GSG1L2: variants seen among roughly 807,000 people sequenced by gnomAD.
GSG1L2 encodes germ cell-specific gene 1-like protein 2.
In GSG1L2, 15 loss-of-function variants were observed where a neutral mutation model predicts 9.0. The observed-to-expected ratio is 1.67, with a 90% CI of 1.12 to 2.57. The LOEUF is 2.57. Among genes scored for constraint, GSG1L2 ranks in the 30% most tolerant of loss-of-function variants. The pLI is 0.00. For synonymous variants in GSG1L2, 127 were observed against 57.9 expected, an observed-to-expected ratio of 2.19 and a Z score of -5.41; for missense variants, 286 against 150.3, an observed-to-expected ratio of 1.90 and a Z score of -4.72.
At chr17:9,814,047 G>GC (rs1328702452) in intron 1 of GSG1L2, among the ~76,000 whole-genome samples, 1 of 151,652 alleles carries the variant, frequency 6.6e-6, no homozygotes, top group Non-Finnish European at 1.5e-5. Context: ...CGATTCTCCT[G>GC]CCTCAGCCTC....
At chr17:9,807,268 A>C (rs11870226) in intron 4 of GSG1L2, among the ~76,000 whole-genome samples, 21,786 of 152,208 alleles carry the variant, frequency 0.14, 1,658 homozygotes, top group South Asian at 0.25. Context: ...GAGTTTTATA[A>C]ACATAATCTC....
In GSG1L2 at chr17:9,821,810, A is replaced by G; in HGVS notation, c.262T>C (p.Phe88Leu). The G allele has an allele frequency of 1.4e-6, 1 of 703,444 alleles. No individual in the cohort carries two copies. Among genetic ancestry groups the G allele is most frequent in the Non-Finnish European group, 2.6e-6 (1 of 385,090 alleles). 43.6% of individuals were successfully genotyped at this position (703,444 alleles called of 1,614,324 possible). A position where few individuals can be genotyped will look rare whatever the true frequency, so the allele number is the denominator to read the frequency against. ...CAGGACTGCCAGAGCCCCACATGGA[A>G]CCCCCGCTGAATGAACTTGTCATCA... ...LGDDKFIQRG[F>L]HVGLWQSCEE... The change falls in exon 1 of 5, where the codon TTC becomes CTC. Residue 88 changes from phenylalanine to leucine, a missense_variant. Phe to Leu is a conservative substitution (Grantham distance 22). Transcript: ENST00000399363.
chr17:9,812,592 T>C (rs1026712391), intron 1 of GSG1L2, among the ~76,000 whole-genome samples: 1 of 152,148 alleles, frequency 6.6e-6, no homozygotes, highest in South Asian at 2.1e-4. Flanking sequence ...GGGGTTCTGG[T>C]GAGGGCCCTC....
intron 1 of GSG1L2, among the ~76,000 whole-genome samples, chr17:9,821,301 A>G (rs779672298): frequency 6.6e-6 from 1 of 152,206 alleles, no homozygotes; most frequent in Non-Finnish European, 1.5e-5. Context: ...TCACTCCAAG[A>G]TCATTCCAAG....
At chr17:9,809,195 A>C in intron 2 of GSG1L2, 105 of 461,408 alleles carry the variant, frequency 2.3e-4, no homozygotes, top group Middle Eastern at 6.3e-4. Flanking sequence ...CCGTAGCTGA[A>C]CGGGCGGTGG....
Position 9,820,852 on chromosome 17 carries a change from A to ACTATGTTGC in GSG1L2, c.310+901_310+909dup, listed in dbSNP as rs1374022045. On this transcript the variant is annotated intron_variant, in intron 1 of 4. Coordinates refer to ENST00000399363, the MANE Select transcript of GSG1L2 (RefSeq NM_001310219.2). The surrounding 1 kb of genome is among the most constrained non-coding windows in gnomAD (Gnocchi z 4.9). The stretch of plus-strand genomic sequence containing the variant: ...AAAACCTTTTGTAAAGAGAGGTCTC[A>ACTATGTTGC]CTATGTTGCCTATGTTGCCAGGCTG... Among the ~76,000 whole-genome samples the ACTATGTTGC allele has an allele frequency of 6.6e-6, 1 of 151,982 alleles. No homozygotes were observed. The highest frequency in any genetic ancestry group is 1.5e-5 in the Non-Finnish European group (1 of 68,000).
At chr17:9,805,755 G>A (rs1359702829) in intron 4 of GSG1L2, 2 of 152,172 alleles carry the variant, frequency 1.3e-5, no homozygotes, top group African/African-American at 4.8e-5. Context: ...GGAAGACCGA[G>A]GGCTTTGGGG....
intron 3 of GSG1L2, 121 bp downstream of exon 3, chr17:9,808,709 C>A (rs1347809205): frequency 1.6e-6 from 1 of 609,142 alleles, no homozygotes; most frequent in African/African-American, 1.8e-5. Flanking sequence ...GGACCACCCG[C>A]CCTGCTTAAA....
chr17:9,819,433 A>G (rs1371545363), intron 1 of GSG1L2, among the ~76,000 whole-genome samples: 1 of 152,234 alleles, frequency 6.6e-6, no homozygotes, highest in African/African-American at 2.4e-5. Context: ...AGATGAAGCC[A>G]TGGCTATGTA....
Position 9,820,095 on chromosome 17 carries a change from T to G in GSG1L2, c.310+1667A>C, listed in dbSNP as rs1009357871. On this transcript the variant is annotated intron_variant, in intron 1 of 4. Coordinates refer to ENST00000399363, the MANE Select transcript of GSG1L2 (RefSeq NM_001310219.2). This position sits in a 1 kb window ranked among gnomAD's most constrained non-coding sequence, Gnocchi z 4.9. ...ACGAGAGGGAAATTCCATCTCAAAA[T>G]AAAAAATAAAATAAAATAAAATAAA... Among the ~76,000 whole-genome samples, 1 of 151,170 alleles carries G rather than the reference T, an allele frequency of 6.6e-6. No homozygotes were observed. The highest frequency in any genetic ancestry group is 6.6e-5 in the Admixed American group (1 of 15,208).
intron 1 of GSG1L2, among the ~76,000 whole-genome samples, chr17:9,819,001 A>G (rs1281536318): frequency 6.6e-6 from 1 of 152,152 alleles, no homozygotes; most frequent in Non-Finnish European, 1.5e-5. Flanking sequence ...CTGTCAGTGA[A>G]TTCACTCTGC....
intron 1 of GSG1L2, among the ~76,000 whole-genome samples, chr17:9,812,056 A>G (rs1179914976): frequency 6.6e-6 from 1 of 152,248 alleles, no homozygotes; most frequent in Non-Finnish European, 1.5e-5. Context: ...ATGAAACAAT[A>G]CTTACGAAAC....
intron 1 of GSG1L2, among the ~76,000 whole-genome samples, chr17:9,816,647 G>C (rs1312418681): frequency 1.6e-5 from 2 of 122,406 alleles, no homozygotes; most frequent in Admixed American, 1.9e-4. Context: ...GTGCGTGTCT[G>C]TGTGTGTCTG....
intron 1 of GSG1L2, among the ~76,000 whole-genome samples, chr17:9,816,157 A>T (rs2152024274): frequency 6.6e-6 from 1 of 152,324 alleles, no homozygotes; most frequent in African/African-American, 2.4e-5. Flanking sequence ...TTTTCTTTAT[A>T]AATTACCTAG....
At position 9,801,029 on chromosome 17, in the gene GSG1L2, A is replaced by C. The variant is rs2066494686; in HGVS notation, c.*1357T>G. On this transcript the variant is annotated 3_prime_UTR_variant, in exon 5 of 5. Transcript: ENST00000399363. ...GAGCCACAAACACGAAGGTAGCTGGATTTTTTTTTTCATTTTTTTTATGAC... is the reference window on the plus strand; with the variant it reads ...GAGCCACAAACACGAAGGTAGCTGGCTTTTTTTTTTCATTTTTTTTATGAC... Among the ~76,000 whole-genome samples, 2 of 150,364 alleles carry C rather than the reference A, an allele frequency of 1.3e-5. No homozygotes were observed. Among genetic ancestry groups the C allele is most frequent in the Admixed American group, 1.3e-4 (2 of 15,002 alleles).
At chr17:9,803,931 G>A (rs1443961263) in intron 4 of GSG1L2, 2 of 152,188 alleles carry the variant, frequency 1.3e-5, no homozygotes, top group Non-Finnish European at 1.5e-5. Context: ...CTGTGGACTC[G>A]GTTAACCAAG....
intron 1 of GSG1L2, among the ~76,000 whole-genome samples, chr17:9,811,547 AG>A (rs1448006025): frequency 6.6e-6 from 1 of 152,198 alleles, no homozygotes; most frequent in Non-Finnish European, 1.5e-5. Context: ...AGGGGGTGAC[AG>A]ATGGAGGATT....
intron 1 of GSG1L2, among the ~76,000 whole-genome samples, chr17:9,814,193 C>A (rs956353678): frequency 6.6e-6 from 1 of 152,320 alleles, no homozygotes; most frequent in South Asian, 2.1e-4. Context: ...CTCGGCCTCC[C>A]GAAGTGCTGG....
intron 1 of GSG1L2, among the ~76,000 whole-genome samples, chr17:9,816,396 C>CTG (rs879490600): frequency 6.4e-4 from 91 of 141,782 alleles, no homozygotes; most frequent in Admixed American, 1.4e-3. Context: ...GTGTCTGTGT[C>CTG]TGTGTGTGTG....
Sources: gnomAD v4.1 joint callset for allele counts (sites outside exome capture counted in the v4.1 genomes callset) on GRCh38, gnomAD v4.1.1 for gene constraint, Gnocchi (gnomAD v3.1) non-coding constraint, MANE v1.5 for transcripts, NCBI Gene and HGNC (gene_info 2026-07-23, HGNC 2026-07-21) for gene names.